Variants in VANGL1 observed in about 807,000 individuals in gnomAD.
VANGL1 encodes VANGL planar cell polarity protein 1.
A neutral mutation model predicts 48.4 loss-of-function variants in VANGL1; 18 were observed. That is an observed-to-expected ratio of 0.37 (90% CI 0.26 to 0.55). The LOEUF (loss-of-function observed/expected upper bound fraction) is 0.55, where lower values mean the gene tolerates loss of function less well. Ranked by LOEUF, VANGL1 falls within the 20% of genes least tolerant of loss-of-function variation. The probability of loss-of-function intolerance (pLI) is 0.81; values close to 1 mark genes in which losing one functional copy is unlikely to be tolerated. For missense variants in VANGL1, 667 were observed against 675.8 expected, an observed-to-expected ratio of 0.99 and a Z score of 0.14; for synonymous variants, 257 against 261.8, an observed-to-expected ratio of 0.98 and a Z score of 0.18.
rs1467546838 is a variant in VANGL1 at position 115,696,552 on chromosome 1, C to T, written c.*5173C>T. 2.0e-5 allele frequency: 3 copies of T among 152,218 alleles called. No individual in the cohort carries two copies. The highest frequency in any genetic ancestry group is 7.2e-5 in the African/African-American group (3 of 41,454). 9.4% of individuals were successfully genotyped at this position (152,218 alleles called of 1,614,324 possible). On this transcript the variant is annotated 3_prime_UTR_variant, in exon 8 of 8. Coordinates refer to ENST00000355485, the MANE Select transcript of VANGL1 (RefSeq NM_138959.3). The stretch of plus-strand genomic sequence containing the variant: ...AGTAAAGGGAAGATGGTGCTCACAT[C>T]TCTCCATGTGACATCTCATTAGGAA...
At chr1:115,651,052 TGGTAGG>T (rs1652122918) in intron 1 of VANGL1, among the ~76,000 whole-genome samples, 1 of 152,092 alleles carries the variant, frequency 6.6e-6, no homozygotes, top group Non-Finnish European at 1.5e-5. Context: ...CCTGCTGCTG[TGGTAGG>T]GGTTCAGCTT....
At chr1:115,647,933 A>C (rs1041683253) in intron 1 of VANGL1, among the ~76,000 whole-genome samples, 3 of 152,188 alleles carry the variant, frequency 2.0e-5, no homozygotes, top group African/African-American at 7.2e-5. Context: ...GGTACCTGCT[A>C]TGTTCAAAAT....
intron 4 of VANGL1, among the ~76,000 whole-genome samples, chr1:115,678,611 G>A (rs950246312): frequency 1.1e-4 from 16 of 152,134 alleles, no homozygotes; most frequent in African/African-American, 3.6e-4. Context: ...TCATCATCTG[G>A]AGTAATCAAG....
intron 1 of VANGL1, among the ~76,000 whole-genome samples, chr1:115,647,756 G>A (rs995131145): frequency 6.6e-6 from 1 of 152,178 alleles, no homozygotes; most frequent in African/African-American, 2.4e-5. Flanking sequence ...GTGGCACAGG[G>A]TTAGATCCTT....
At chr1:115,657,301 A>C (rs941644939) in intron 2 of VANGL1, among the ~76,000 whole-genome samples, 3 of 152,194 alleles carry the variant, frequency 2.0e-5, no homozygotes, top group African/African-American at 7.2e-5. Flanking sequence ...TATTTATGCC[A>C]TGAAATCTTC....
rs1029893693 is a variant in VANGL1, at chr1:115,655,002, G to A, written c.71+3518G>A. On this transcript the variant is annotated intron_variant, in intron 2 of 7. Coordinates refer to ENST00000355485, the MANE Select transcript of VANGL1 (RefSeq NM_138959.3). Reference sequence around the variant, plus strand: ...AAATGCTACTTTAGGAAAGGGAAACGAAGGGTGACTCATGTGATTGATGTG... The same window carrying A: ...AAATGCTACTTTAGGAAAGGGAAACAAAGGGTGACTCATGTGATTGATGTG... Among the ~76,000 whole-genome samples the A allele has an allele frequency of 2.3e-4, 35 of 152,186 alleles. 1 individual carries two copies. The highest frequency in any genetic ancestry group is 3.2e-3 in the Middle Eastern group (1 of 316).
chr1:115,685,133 C>G (rs903174628), intron 6 of VANGL1, among the ~76,000 whole-genome samples, 160 bp from the exon 7 acceptor site: 1 of 152,190 alleles, frequency 6.6e-6, no homozygotes, highest in East Asian at 1.9e-4. Flanking sequence ...CTCCCTTCCT[C>G]CCTCTCCACT....
intron 4 of VANGL1, among the ~76,000 whole-genome samples, chr1:115,666,142 A>C (rs74117008): frequency 0.019 from 2,826 of 152,312 alleles, 81 homozygotes; most frequent in African/African-American, 0.064. Flanking sequence ...AACTCTGTAT[A>C]TGTAAGTAGC....
chr1:115,684,516 C>G (rs1023526791), intron 6 of VANGL1, among the ~76,000 whole-genome samples: 4 of 152,268 alleles, frequency 2.6e-5, no homozygotes, highest in Non-Finnish European at 5.9e-5. Context: ...GCTGGGACAC[C>G]TTTGGAGTGC....
intron 6 of VANGL1, among the ~76,000 whole-genome samples, chr1:115,684,884 G>A (rs1471539222): frequency 1.3e-5 from 2 of 152,182 alleles, no homozygotes; most frequent in Admixed American, 6.5e-5. Context: ...CTGCTTCTTT[G>A]TAGGGCTGCT....
In VANGL1 at chr1:115,685,547, C is replaced by A. The variant is rs749556866; in HGVS notation, c.1314+20C>A. On this transcript the variant is annotated intron_variant, in intron 7 of 7. Transcript: ENST00000355485. Reference sequence around the variant, plus strand: ...CCCAAGGTGCGCTGCTCCGGGCGGGCTCTGCCACCGTCATCCTGGCTTGTC... The same window carrying A: ...CCCAAGGTGCGCTGCTCCGGGCGGGATCTGCCACCGTCATCCTGGCTTGTC... 2 of 1,611,810 alleles carry A rather than the reference C, an allele frequency of 1.2e-6. No individual in the cohort carries two copies. Among genetic ancestry groups the A allele is most frequent in the South Asian group, 2.2e-5 (2 of 90,854 alleles).
chr1:115,660,028 G>C (rs894959126), intron 3 of VANGL1, among the ~76,000 whole-genome samples: 2 of 152,108 alleles, frequency 1.3e-5, no homozygotes, highest in Non-Finnish European at 2.9e-5. Context: ...TTGACGACAG[G>C]GTTGGGAAGG....
rs1435387132 is a variant in VANGL1 at position 115,686,981 on chromosome 1, G to A, written c.1314+1454G>A. ...TAGAGAGTAGATGAGCTTGGCATGT[G>A]GTACATGTGTAACATTTGGTAGCTG... On this transcript the variant is annotated intron_variant, in intron 7 of 7. Coordinates refer to ENST00000355485, the MANE Select transcript of VANGL1 (RefSeq NM_138959.3). Among the ~76,000 whole-genome samples the A allele has an allele frequency of 1.5e-5, 2 of 135,842 alleles. 1 individual carries two copies. The highest frequency in any genetic ancestry group is 3.2e-5 in the Non-Finnish European group (2 of 62,468). The allele number at this position is 135,842 out of a possible 152,430, so 89.1% of individuals were successfully genotyped here. A position where few individuals can be genotyped will look rare whatever the true frequency, so the allele number is the denominator to read the frequency against.
At chr1:115,675,050 C>T (rs1653113219) in intron 4 of VANGL1, among the ~76,000 whole-genome samples, 1 of 152,072 alleles carries the variant, frequency 6.6e-6, no homozygotes. Context: ...ACGATTGTTT[C>T]CTTCAAGTAT....
chr1:115,643,267 A>T (rs1651802861), intron 1 of VANGL1, among the ~76,000 whole-genome samples: 1 of 152,246 alleles, frequency 6.6e-6, no homozygotes, highest in Non-Finnish European at 1.5e-5. Context: ...TATAACTTGT[A>T]TCACCAGTCA....
Position 115,656,867 on chromosome 1 carries a change from G to A in VANGL1, c.72-2774G>A, listed in dbSNP as rs1221358841. On this transcript the variant is annotated intron_variant, in intron 2 of 7. Transcript: ENST00000355485. Reference sequence around the variant, plus strand: ...TTTGATTTCCAGTGGAATTTGTGCTGTCACAAGATTTGACCCATGGGACTA... The same window carrying A: ...TTTGATTTCCAGTGGAATTTGTGCTATCACAAGATTTGACCCATGGGACTA... Among the ~76,000 whole-genome samples, 4 of 152,370 alleles carry A rather than the reference G, an allele frequency of 2.6e-5. No individual in the cohort carries two copies. The East Asian group carries it at 7.7e-4, about 29-fold the overall frequency.
chr1:115,679,680 G>A (rs1653303644), intron 4 of VANGL1, among the ~76,000 whole-genome samples: 2 of 152,178 alleles, frequency 1.3e-5, no homozygotes, highest in Admixed American at 1.3e-4. Flanking sequence ...TTGCAGCCTC[G>A]CTGAACAGAA....
chr1:115,679,984 A>AGTGT (rs768501546), intron 4 of VANGL1, among the ~76,000 whole-genome samples: 2,703 of 137,448 alleles, frequency 0.02, 65 homozygotes, highest in African/African-American at 0.051. Context: ...CACACCAGGG[A>AGTGT]GTGTGTGTGT....
At chr1:115,649,746 A>G (rs1652076304) in intron 1 of VANGL1, among the ~76,000 whole-genome samples, 1 of 152,168 alleles carries the variant, frequency 6.6e-6, no homozygotes, top group Non-Finnish European at 1.5e-5. Flanking sequence ...ATTGGAACCC[A>G]CCTTTGGAAA....
Sources: allele counts gnomAD v4.1 joint callset (sites outside exome capture counted in the v4.1 genomes callset), GRCh38; gene constraint gnomAD v4.1.1; transcripts MANE v1.5; gene names NCBI Gene and HGNC (gene_info 2026-07-23, HGNC 2026-07-21).